ADARB2: variants seen among roughly 807,000 people sequenced by gnomAD.
ADARB2 encodes adenosine deaminase RNA specific B2 (inactive).
Under a neutral mutation model 62.2 loss-of-function variants are expected in ADARB2, and 25 were observed. The observed-to-expected ratio is 0.40, with a 90% CI of 0.29 to 0.56. The LOEUF (loss-of-function observed/expected upper bound fraction) is 0.56, where lower values mean the gene tolerates loss of function less well. Among genes scored for constraint, ADARB2 ranks in the 20% least tolerant of loss-of-function variants. The probability of loss-of-function intolerance (pLI) is 0.43; values close to 1 mark genes in which losing one functional copy is unlikely to be tolerated. For missense variants in ADARB2, 1,071 were observed against 1,077.4 expected (o/e 0.99, Z 0.08); for synonymous variants, 572 against 500.8 (o/e 1.14, Z -1.90).
At chr10:1,595,233 C>T (rs1364457737) in intron 1 of ADARB2, among the ~76,000 whole-genome samples, 1 of 152,176 alleles carries the variant, frequency 6.6e-6, no homozygotes, top group Non-Finnish European at 1.5e-5. Flanking sequence ...AAAAACTTTG[C>T]CCTCAGAGAA....
At chr10:1,229,393 C>T (rs1045457120) in intron 6 of ADARB2, among the ~76,000 whole-genome samples, 21 of 152,260 alleles carry the variant, frequency 1.4e-4, no homozygotes, top group Admixed American at 4.6e-4. Flanking sequence ...CTGCCGGGAG[C>T]CAGCTGCTCA....
Position 1,288,431 on chromosome 10 carries a change from G to A in ADARB2, c.1078-17362C>T, listed in dbSNP as rs558973068. ...AGTGTCATTTCTGTTCATCCCCGTT[G>A]TATCCCTAAGAGGCAGTTACGATTA... On this transcript the variant is annotated intron_variant, in intron 3 of 9. Transcript: ENST00000381312. Among the ~76,000 whole-genome samples, 5 of 152,322 alleles carry A rather than the reference G, an allele frequency of 3.3e-5. No individual in the cohort carries two copies. In the East Asian group the frequency reaches 7.7e-4, roughly 23 times the overall value.
At chr10:1,714,538 C>T (rs1055724545) in intron 1 of ADARB2, among the ~76,000 whole-genome samples, 1 of 152,232 alleles carries the variant, frequency 6.6e-6, no homozygotes, top group African/African-American at 2.4e-5. Flanking sequence ...ACAGTCTTCT[C>T]TGTATTCAGC....
At position 1,506,595 on chromosome 10, in the gene ADARB2, G is replaced by A. The variant is rs115684430; in HGVS notation, c.101-127435C>T. The stretch of plus-strand genomic sequence containing the variant: ...ACTGAGGACCATGTGGGCTCCAGGC[G>A]TCCTGCCGACCCACTGTGCAGGGTC... On this transcript the variant is annotated intron_variant, in intron 1 of 9. Coordinates refer to ENST00000381312, the MANE Select transcript of ADARB2 (RefSeq NM_018702.4). Among the ~76,000 whole-genome samples, 318 of 152,348 alleles carry A rather than the reference G, an allele frequency of 2.1e-3. 1 individual carries two copies. Among genetic ancestry groups the A allele is most frequent in the African/African-American group, 7.1e-3 (295 of 41,580 alleles).
chr10:1,696,158 G>T (rs199790554), intron 1 of ADARB2, among the ~76,000 whole-genome samples: 1 of 118,812 alleles, frequency 8.4e-6, no homozygotes, highest in African/African-American at 3.1e-5. Flanking sequence ...GTGTGTATGT[G>T]TTTGCATGTG....
intron 1 of ADARB2, among the ~76,000 whole-genome samples, chr10:1,448,805 C>T: frequency 6.6e-6 from 1 of 152,134 alleles, no homozygotes; most frequent in Non-Finnish European, 1.5e-5. Context: ...CACTGCTGGA[C>T]TGTAATACTA....
chr10:1,650,176 A>G (rs1834092115), intron 1 of ADARB2, among the ~76,000 whole-genome samples: 1 of 152,248 alleles, frequency 6.6e-6, no homozygotes, highest in South Asian at 2.1e-4. Context: ...GCTTTTCTGA[A>G]GCATAGATTA....
chr10:1,646,437 G>T (rs1386828072), intron 1 of ADARB2, among the ~76,000 whole-genome samples: 2 of 152,230 alleles, frequency 1.3e-5, no homozygotes, highest in Admixed American at 1.3e-4. Context: ...CATTGAATAG[G>T]AAGAGAGCAA....
At chr10:1,241,533 G>T (rs1199199836) in intron 5 of ADARB2, among the ~76,000 whole-genome samples, 1 of 152,200 alleles carries the variant, frequency 6.6e-6, no homozygotes, top group Non-Finnish European at 1.5e-5. Flanking sequence ...CAGCCTGGGG[G>T]TGTGTCGCGG....
intron 8 of ADARB2, among the ~76,000 whole-genome samples, chr10:1,189,422 C>T (rs1353152758): frequency 6.6e-6 from 1 of 152,064 alleles, no homozygotes; most frequent in Non-Finnish European, 1.5e-5. Flanking sequence ...TTTAACTCAG[C>T]TGGATTGCAT....
intron 1 of ADARB2, among the ~76,000 whole-genome samples, chr10:1,725,175 G>A (rs1056123239): frequency 2.6e-5 from 4 of 152,212 alleles, no homozygotes; most frequent in East Asian, 1.9e-4. Context: ...CTCAGGGGCC[G>A]CGTTAACGTG....
At chr10:1,305,322 G>A (rs1056371938) in intron 3 of ADARB2, among the ~76,000 whole-genome samples, 6 of 151,610 alleles carry the variant, frequency 4.0e-5, no homozygotes, top group South Asian at 2.1e-4. Flanking sequence ...TAAATTCCTC[G>A]ACACATACAT....
At chr10:1,317,813 T>G (rs1049385715) in intron 3 of ADARB2, among the ~76,000 whole-genome samples, 7 of 151,930 alleles carry the variant, frequency 4.6e-5, no homozygotes, top group African/African-American at 1.5e-4. Flanking sequence ...GCCCCTCCAT[T>G]GGGGGCCCAG....
Position 1,348,255 on chromosome 10 carries a change from T to C in ADARB2, c.1077+14773A>G, listed in dbSNP as rs1479889044. 2.6e-5 allele frequency among the ~76,000 whole-genome samples: 4 copies of C among 152,070 alleles called. No individual in the cohort carries two copies. In the South Asian group the frequency reaches 6.2e-4, roughly 24 times the overall value. On this transcript the variant is annotated intron_variant, in intron 3 of 9. Transcript: ENST00000381312. Reference sequence around the variant, plus strand: ...TAAACTCTCAGGAAACTGTCTGATGTCTCTAAAGAAACCACTGTTGCCTGT... The same window carrying C: ...TAAACTCTCAGGAAACTGTCTGATGCCTCTAAAGAAACCACTGTTGCCTGT...
chr10:1,425,603 C>T (rs879659744), intron 1 of ADARB2, among the ~76,000 whole-genome samples: 17 of 152,230 alleles, frequency 1.1e-4, no homozygotes, highest in African/African-American at 2.4e-4. Context: ...TCGCTCACTC[C>T]GCTTAGATCT....
At chr10:1,440,296 A>G (rs1830889129) in intron 1 of ADARB2, among the ~76,000 whole-genome samples, 2 of 152,202 alleles carry the variant, frequency 1.3e-5, no homozygotes, top group African/African-American at 4.8e-5. Flanking sequence ...CAAACTGAAC[A>G]TGGCCACTGA....
chr10:1,288,201 A>G (rs1341208983), intron 3 of ADARB2, among the ~76,000 whole-genome samples: 2 of 151,882 alleles, frequency 1.3e-5, no homozygotes, highest in East Asian at 3.9e-4. Flanking sequence ...CTTTTATTTC[A>G]CCCCCATCCC....
chr10:1,719,085 C>T (rs748168359), intron 1 of ADARB2, among the ~76,000 whole-genome samples: 3 of 152,094 alleles, frequency 2.0e-5, no homozygotes, highest in Admixed American at 6.5e-5. Flanking sequence ...CTCAGCCTCC[C>T]AAGTAGTAGC....
chr10:1,532,997 C>T (rs970094945), intron 1 of ADARB2, among the ~76,000 whole-genome samples: 8 of 152,130 alleles, frequency 5.3e-5, no homozygotes, highest in African/African-American at 1.9e-4. Flanking sequence ...TGTGTTACTC[C>T]AGGGGAAGGA....
Sources: gnomAD v4.1 joint callset for allele counts (sites outside exome capture counted in the v4.1 genomes callset) on GRCh38, gnomAD v4.1.1 for gene constraint, MANE v1.5 for transcripts, NCBI Gene and HGNC (gene_info 2026-07-23, HGNC 2026-07-21) for gene names.